The following HLTF variants were observed in gnomAD, a reference collection of about 807,000 sequenced individuals.
HLTF encodes DNA-dependent ATPase/E3 ubiquitin-protein ligase HLTF.
HLTF carries 127 observed loss-of-function variants against 129.4 expected under a neutral mutation model. The observed-to-expected ratio is 0.98, with a 90% CI of 0.85 to 1.14. HLTF has a LOEUF of 1.14. HLTF is among the 50% of genes most tolerant of loss of function. The pLI is 0.00. For synonymous variants in HLTF, 332 were observed against 388.8 expected, an observed-to-expected ratio of 0.85 and a Z score of 1.72; for missense variants, 1,139 against 1,187.1, an observed-to-expected ratio of 0.96 and a Z score of 0.60.
chr3:149,082,714 T>C (rs1719979349), intron 2 of HLTF, among the ~76,000 whole-genome samples: 1 of 151,952 alleles, frequency 6.6e-6, no homozygotes, highest in African/African-American at 2.4e-5. Flanking sequence ...TATGCAAAGA[T>C]AGTATCTCAA....
chr3:149,030,298 T>A lies in HLTF; in HGVS notation c.*1922A>T, dbSNP rs1240295279. The A allele has an allele frequency of 6.6e-6, 1 of 152,188 alleles. No individual in the cohort carries two copies. Among genetic ancestry groups the A allele is most frequent in the Admixed American group, 6.5e-5 (1 of 15,288 alleles). 9.4% of individuals were successfully genotyped at this position (152,188 alleles called of 1,614,324 possible). ...GAAGTTTTCATTCCAGTGGCTTTTT[T>A]ATATATTTATCCTTCTTAGGAAGGA... is the stretch of plus-strand genomic sequence containing the variant. On this transcript the variant is annotated 3_prime_UTR_variant, in exon 25 of 25. Coordinates refer to ENST00000310053, the MANE Select transcript of HLTF (RefSeq NM_003071.4).
rs76820644 is a variant in HLTF, at chr3:149,056,183, G to A, written c.1376-783C>T. 4.1e-3 allele frequency among the ~76,000 whole-genome samples: 620 copies of A among 152,290 alleles called. 12 individuals are homozygous for A. The highest frequency in any genetic ancestry group is 0.023 in the East Asian group (120 of 5,190). On this transcript the variant is annotated intron_variant, in intron 13 of 24. Coordinates refer to ENST00000310053, the MANE Select transcript of HLTF (RefSeq NM_003071.4). ...TTAAACCATCCAGCTAAGCCACTCC[G>A]ACTTCCAGCCCTGTCAAAGTGTGTG...
At chr3:149,075,598 G>C (rs1466955397) in intron 3 of HLTF, among the ~76,000 whole-genome samples, 1 of 152,110 alleles carries the variant, frequency 6.6e-6, no homozygotes, top group Non-Finnish European at 1.5e-5. Context: ...CCTAAACCTA[G>C]GTACCAAAAG....
At chr3:149,040,364 C>A in intron 20 of HLTF, 2 of 459,026 alleles carry the variant, frequency 4.4e-6, no homozygotes, top group South Asian at 2.8e-5. Context: ...AAGGAGGGAG[C>A]AAAAGTATGT....
chr3:149,048,089 T>C lies in HLTF; in HGVS notation c.1831A>G (p.Arg611Gly). The change falls in exon 17 of 25, where the codon AGA becomes GGA. Residue 611 changes from arginine to glycine, a missense_variant. Coordinates refer to ENST00000310053, the MANE Select transcript of HLTF (RefSeq NM_003071.4). ...TGTATTGTTCTATGCCACCATTCTC[T>C]ATCAATAAATGGTTTAAGTTTTAAA... Reference protein sequence around the residue: ...SFLKLKPFIDREWWHRTIQRP... With the variant: ...SFLKLKPFIDGEWWHRTIQRP... The C allele has an allele frequency of 3.1e-6, 5 of 1,613,230 alleles. No individual in the cohort carries two copies. Among genetic ancestry groups the C allele is most frequent in the Non-Finnish European group, 4.2e-6 (5 of 1,179,460 alleles).
chr3:149,043,813 T>C (rs12634247), intron 18 of HLTF, among the ~76,000 whole-genome samples: 45,021 of 152,118 alleles, frequency 0.3, 7,442 homozygotes, highest in Middle Eastern at 0.45. Flanking sequence ...GCTTAACCTA[T>C]GTCTTGAGCT....
In HLTF at chr3:149,053,293, T is replaced by C. The variant is rs553571309; in HGVS notation, c.1473+2010A>G. Among the ~76,000 whole-genome samples, 4 of 152,318 alleles carry C rather than the reference T, an allele frequency of 2.6e-5. No homozygotes were observed. In the South Asian group the frequency reaches 8.3e-4, roughly 32 times the overall value. On this transcript the variant is annotated intron_variant, in intron 14 of 24. Transcript: ENST00000310053. The stretch of plus-strand genomic sequence containing the variant: ...CTGGAGGTGGAAGGTGTATGGCTCA[T>C]AGCGGTGGATCCCTCCTGAGTGGCT...
intron 23 of HLTF, among the ~76,000 whole-genome samples, chr3:149,037,840 G>C (rs531202075): frequency 4.9e-4 from 74 of 152,146 alleles, no homozygotes; most frequent in African/African-American, 1.7e-3. Flanking sequence ...TTAGTCCAAG[G>C]TCCTCTCAGG....
intron 1 of HLTF, 127 bp from the exon 2 acceptor site, chr3:149,085,016 T>G: frequency 1.5e-6 from 1 of 688,050 alleles, no homozygotes; most frequent in Non-Finnish European, 2.4e-6. Flanking sequence ...TAAAGATTAA[T>G]AGTTACTCTC....
At position 149,084,699 on chromosome 3, in the gene HLTF, G is replaced by T; in HGVS notation, c.211C>A (p.Arg71Ser). Reference sequence around the variant, plus strand: ...ATACTCACTACTCCCGTGTAATAGCGTAGTCCAACCACATGACCTCTCAAA... The same window carrying T: ...ATACTCACTACTCCCGTGTAATAGCTTAGTCCAACCACATGACCTCTCAAA... ...GSLRGHVVGLRYYTGVVNNNE... is the reference protein window; with the variant it reads ...GSLRGHVVGLSYYTGVVNNNE... Residue 71 changes from arginine (R) to serine (S), a missense_variant, in exon 2 of 25, where the codon CGC becomes AGC. Arg to Ser is a moderately radical substitution (Grantham distance 110, BLOSUM62 -1). Coordinates refer to ENST00000310053, the MANE Select transcript of HLTF (RefSeq NM_003071.4). 6.2e-7 allele frequency: 1 copy of T among 1,612,216 alleles called. No individual in the cohort carries two copies. The highest frequency in any genetic ancestry group is 8.5e-7 in the Non-Finnish European group (1 of 1,178,316).
Position 149,071,252 on chromosome 3 carries a change from C to A in HLTF, c.894G>T (p.Leu298Phe). 6.5e-7 allele frequency: 1 copy of A among 1,527,442 alleles called. No homozygotes were observed. 94.6% of individuals were successfully genotyped at this position (1,527,442 alleles called of 1,614,324 possible). ...ATTAACTAAAGAAAAAAATAATTAC[C>A]AAACCCATATCATCAGCTAAAATTC... is the stretch of plus-strand genomic sequence containing the variant. ...HGGILADDMG[L>F]GKTLTAIAVI... The change falls in exon 7 of 25, where the codon TTG (leucine) becomes TTT (phenylalanine). Residue 298 changes from leucine (L) to phenylalanine (F), a missense_variant and splice_region_variant. Physicochemically the swap from Leu to Phe is conservative, Grantham distance 22. Transcript: ENST00000310053.
intron 1 of HLTF, 58 bp downstream of exon 1, chr3:149,086,259 A>C: frequency 6.4e-7 from 1 of 1,558,550 alleles, no homozygotes; most frequent in East Asian, 2.3e-5. Flanking sequence ...GGTCAGGTTC[A>C]TTTGGGGACG....
chr3:149,051,431 T>C (rs1019001229), intron 14 of HLTF, among the ~76,000 whole-genome samples: 1 of 152,168 alleles, frequency 6.6e-6, no homozygotes, highest in Non-Finnish European at 1.5e-5. Context: ...TATTTACAGC[T>C]GTAAGAATGA....
At position 149,086,364 on chromosome 3, in the gene HLTF, G is replaced by A; in HGVS notation, c.-28C>T. The A allele has an allele frequency of 6.3e-7, 1 of 1,576,830 alleles. No homozygotes were observed. On this transcript the variant is annotated 5_prime_UTR_variant, in exon 1 of 25. Transcript: ENST00000310053. ...CGCTGAGTGGGATGACAAGAGGAGC[G>A]CCTCGGCTCCCCTGGATCGTTTTCG...
chr3:149,056,835 C>A (rs1005805195), intron 13 of HLTF, among the ~76,000 whole-genome samples: 1 of 152,130 alleles, frequency 6.6e-6, no homozygotes, highest in Non-Finnish European at 1.5e-5. Context: ...ATGGGCCGGG[C>A]GCGGTGGCTC....
intron 23 of HLTF, among the ~76,000 whole-genome samples, chr3:149,036,134 C>CA (rs928595034): frequency 4.8e-4 from 68 of 142,198 alleles, no homozygotes; most frequent in East Asian, 1.2e-3. Flanking sequence ...GACTACATCT[C>CA]AAAAAAAAAC....
In HLTF at chr3:149,077,260, A is replaced by T. The variant is rs941210560; in HGVS notation, c.229-1213T>A. 7.0e-4 allele frequency among the ~76,000 whole-genome samples: 103 copies of T among 148,152 alleles called. 2 individuals are homozygous for T. Among genetic ancestry groups the T allele is most frequent in the Admixed American group, 5.3e-3 (78 of 14,854 alleles). Reference sequence around the variant, plus strand: ...AGACTTCATCTCAAAATAAATAAATAAATAAATAAATAAATAAATAAATAA... The same window carrying T: ...AGACTTCATCTCAAAATAAATAAATTAATAAATAAATAAATAAATAAATAA... On this transcript the variant is annotated intron_variant, in intron 2 of 24. Coordinates refer to ENST00000310053, the MANE Select transcript of HLTF (RefSeq NM_003071.4).
intron 14 of HLTF, chr3:149,052,171 A>G (rs1448781704): frequency 6.6e-6 from 1 of 150,808 alleles, no homozygotes; most frequent in Non-Finnish European, 1.5e-5. Flanking sequence ...AAAAAAAAAA[A>G]TCAATCCAGC....
intron 14 of HLTF, chr3:149,052,148 TAA>T (rs1178338781): frequency 2.5e-4 from 16 of 63,032 alleles, no homozygotes; most frequent in Non-Finnish European, 2.7e-4. Flanking sequence ...AGCAAGACTG[TAA>T]AAAAAAAAAA....
Sources: allele counts gnomAD v4.1 joint callset (sites outside exome capture counted in the v4.1 genomes callset), GRCh38; gene constraint gnomAD v4.1.1; transcripts MANE v1.5; gene names NCBI Gene and HGNC (gene_info 2026-07-23, HGNC 2026-07-21).